PTPRT: variants seen among roughly 807,000 people sequenced by gnomAD.
PTPRT encodes the protein protein tyrosine phosphatase receptor type T.
PTPRT carries 56 observed loss-of-function variants against 176.8 expected under a neutral mutation model. The ratio of observed to expected loss-of-function variants is 0.32; its 90% CI spans 0.26 to 0.40. The LOEUF is 0.40. PTPRT is among the 10% of genes least tolerant of loss of function. The pLI is 1.00. For synonymous variants in PTPRT, 783 were observed against 739.0 expected, an observed-to-expected ratio of 1.06 and a Z score of -0.96; for missense variants, 1,540 against 1,908.2, an observed-to-expected ratio of 0.81 and a Z score of 3.60.
chr20:42,986,611 C>T lies in PTPRT; in HGVS notation c.89-100679G>A, dbSNP rs541333399. On this transcript the variant is annotated intron_variant, in intron 1 of 30. Transcript: ENST00000373187. ...GAACTAGAGATTCCTAGCTCATGGA[C>T]GATGATGGTGACTGTGACAAAGAAA... Among the ~76,000 whole-genome samples, 4 of 152,242 alleles carry T rather than the reference C, an allele frequency of 2.6e-5. No homozygotes were observed. In the South Asian group the frequency reaches 6.2e-4, roughly 24 times the overall value.
intron 1 of PTPRT, among the ~76,000 whole-genome samples, chr20:43,046,748 G>C (rs1444948774): frequency 6.6e-6 from 1 of 152,096 alleles, no homozygotes; most frequent in Non-Finnish European, 1.5e-5. Context: ...GACACCCTGG[G>C]TTTCAATGAA....
chr20:42,848,198 T>A (rs1461030902), intron 2 of PTPRT, among the ~76,000 whole-genome samples: 1 of 152,242 alleles, frequency 6.6e-6, no homozygotes, highest in Non-Finnish European at 1.5e-5. Flanking sequence ...TTCCATGGCA[T>A]ATACATGCCA....
downstream of PTPRT, among the ~76,000 whole-genome samples, chr20:42,070,889 A>T (rs1982296378): frequency 6.6e-6 from 1 of 151,920 alleles, no homozygotes; most frequent in South Asian, 2.1e-4. Flanking sequence ...TTAAAGTGGG[A>T]GTTATGTGAG....
chr20:43,009,734 G>T (rs1336861410), intron 1 of PTPRT, among the ~76,000 whole-genome samples: 1 of 152,152 alleles, frequency 6.6e-6, no homozygotes, highest in Non-Finnish European at 1.5e-5. Flanking sequence ...GTCCACACTT[G>T]ACTTCTTCCA....
chr20:42,565,060 C>T (rs2073015838), intron 7 of PTPRT, among the ~76,000 whole-genome samples: 2 of 151,996 alleles, frequency 1.3e-5, no homozygotes, highest in Non-Finnish European at 2.9e-5. Context: ...CAATTAGTGC[C>T]CTGGTGTTCT....
chr20:42,714,101 G>C (rs1195474959), intron 6 of PTPRT, among the ~76,000 whole-genome samples: 3 of 152,188 alleles, frequency 2.0e-5, no homozygotes, highest in Non-Finnish European at 4.4e-5. Context: ...TTCCCATGCA[G>C]CTGTTGGGTG....
intron 7 of PTPRT, among the ~76,000 whole-genome samples, chr20:42,508,484 G>A (rs1342915722): frequency 1.3e-5 from 2 of 152,074 alleles, no homozygotes; most frequent in South Asian, 4.1e-4. Flanking sequence ...AGTTGTGGTG[G>A]AGAATATAAA....
intron 7 of PTPRT, among the ~76,000 whole-genome samples, chr20:42,621,073 C>A (rs1386418015): frequency 6.6e-6 from 1 of 152,170 alleles, no homozygotes; most frequent in Non-Finnish European, 1.5e-5. Flanking sequence ...CCCACCAGGT[C>A]CCTCCCTCAA....
intron 9 of PTPRT, among the ~76,000 whole-genome samples, chr20:42,415,541 T>C (rs906669218): frequency 1.3e-5 from 2 of 152,164 alleles, no homozygotes; most frequent in Admixed American, 1.3e-4. Flanking sequence ...GAAAACATTG[T>C]TCTCCTGCAT....
At chr20:42,874,153 G>A (rs570148083) in intron 2 of PTPRT, among the ~76,000 whole-genome samples, 20 of 152,192 alleles carry the variant, frequency 1.3e-4, no homozygotes, top group Admixed American at 3.9e-4. Flanking sequence ...TCTCAGCAAC[G>A]TCTTCCTCTC....
At chr20:42,964,546 T>C (rs1029144181) in intron 1 of PTPRT, among the ~76,000 whole-genome samples, 16 of 152,016 alleles carry the variant, frequency 1.1e-4, no homozygotes, top group Non-Finnish European at 1.6e-4. Flanking sequence ...AATACAGTAA[T>C]AGTTTGAGAA....
chr20:42,248,914 G>C, intron 13 of PTPRT, 92 bp from the exon 14 acceptor site: 2 of 1,472,650 alleles, frequency 1.4e-6, no homozygotes, highest in Non-Finnish European at 1.9e-6. Context: ...CTTTAGTTGA[G>C]TGCTAACTAT....
At position 42,236,278 on chromosome 20, in the gene PTPRT, C is replaced by G; in HGVS notation, c.2313-20G>C. 6.4e-7 allele frequency: 1 copy of G among 1,573,526 alleles called. No homozygotes were observed. Among genetic ancestry groups the G allele is most frequent in the Non-Finnish European group, 8.7e-7 (1 of 1,146,442 alleles). On this transcript the variant is annotated intron_variant, in intron 14 of 30. Coordinates refer to ENST00000373187, the MANE Select transcript of PTPRT (RefSeq NM_007050.6). The stretch of plus-strand genomic sequence containing the variant: ...TTTCTTCTATATATTGATGGGCAGT[C>G]AGATGAAGGAAATGTCCAAAATGGG...
chr20:42,707,312 C>T (rs553874116), intron 6 of PTPRT, among the ~76,000 whole-genome samples: 7 of 152,194 alleles, frequency 4.6e-5, no homozygotes, highest in African/African-American at 1.7e-4. Context: ...TATACGGGCC[C>T]TGTATAATCC....
At chr20:42,103,248 C>T (rs1986120908) in intron 25 of PTPRT, among the ~76,000 whole-genome samples, 1 of 152,218 alleles carries the variant, frequency 6.6e-6, no homozygotes, top group South Asian at 2.1e-4. Context: ...GCTCTGACCG[C>T]ATGGGCTTCC....
At chr20:43,061,598 G>T (rs570642108) in intron 1 of PTPRT, among the ~76,000 whole-genome samples, 2 of 152,308 alleles carry the variant, frequency 1.3e-5, no homozygotes, top group East Asian at 3.9e-4. Context: ...CATGCCTGTG[G>T]TTTGGTGCAT....
At chr20:42,304,936 T>C (rs1238068293) in intron 12 of PTPRT, among the ~76,000 whole-genome samples, 1 of 152,238 alleles carries the variant, frequency 6.6e-6, no homozygotes, top group Non-Finnish European at 1.5e-5. Context: ...TGCTCTTTTT[T>C]TCCTTGGCTT....
intron 1 of PTPRT, among the ~76,000 whole-genome samples, chr20:43,105,193 C>A (rs991028467): frequency 6.6e-6 from 1 of 152,114 alleles, no homozygotes; most frequent in African/African-American, 2.4e-5. Flanking sequence ...CAGGCCCTAC[C>A]TCAAACCTAC....
intron 1 of PTPRT, among the ~76,000 whole-genome samples, chr20:42,898,914 T>G (rs2079351362): frequency 6.6e-6 from 1 of 152,146 alleles, no homozygotes; most frequent in South Asian, 2.1e-4. Flanking sequence ...CGAGTGAAGA[T>G]GCTTCAAGTT....
Sources: gnomAD v4.1 joint callset for allele counts (sites outside exome capture counted in the v4.1 genomes callset) on GRCh38, gnomAD v4.1.1 for gene constraint, MANE v1.5 for transcripts, NCBI Gene and HGNC (gene_info 2026-07-23, HGNC 2026-07-21) for gene names.